The following SORL1 variants were observed in gnomAD, a reference collection of about 807,000 sequenced individuals.
The protein encoded by SORL1 is sortilin-related receptor.
In SORL1, 127 loss-of-function variants were observed where a neutral mutation model predicts 273.7. The ratio of observed to expected loss-of-function variants is 0.46; its 90% CI spans 0.40 to 0.54. The LOEUF (loss-of-function observed/expected upper bound fraction) is 0.54. SORL1 is among the 20% of genes least tolerant of loss of function. The pLI is 0.00. For synonymous variants in SORL1, 1,031 were observed against 1,067.4 expected (o/e 0.97, Z 0.66); for missense variants, 2,494 against 2,846.1 (o/e 0.88, Z 2.81).
chr11:121,489,574 T>A (rs1295130462), intron 4 of SORL1, among the ~76,000 whole-genome samples: 1 of 152,244 alleles, frequency 6.6e-6, no homozygotes, highest in Non-Finnish European at 1.5e-5. Context: ...TAAGGCTGAA[T>A]AATATTCCAT....
chr11:121,612,580 G>A (rs1384959555), intron 39 of SORL1, 156 bp from the exon 40 acceptor site: 1 of 569,252 alleles, frequency 1.8e-6, no homozygotes, highest in East Asian at 3.0e-5. Flanking sequence ...AGCACAAGTA[G>A]AACCTGTTTA....
chr11:121,542,831 A>ATATTC (rs1245034283), intron 12 of SORL1, among the ~76,000 whole-genome samples: 1 of 149,200 alleles, frequency 6.7e-6, no homozygotes, highest in African/African-American at 2.4e-5. Context: ...ATATTATATT[A>ATATTC]TAATATATAT....
chr11:121,485,466 G>A (rs572968537), intron 3 of SORL1, among the ~76,000 whole-genome samples: 4 of 152,242 alleles, frequency 2.6e-5, no homozygotes, highest in Non-Finnish European at 4.4e-5. Context: ...AGTGTATAAC[G>A]GTAATATCCA....
intron 21 of SORL1, among the ~76,000 whole-genome samples, chr11:121,560,203 C>T (rs1193734133): frequency 6.6e-6 from 1 of 152,158 alleles, no homozygotes; most frequent in African/African-American, 2.4e-5. Context: ...TTTTATTCCC[C>T]GATAGTTTTA....
rs905868057 is a variant in SORL1, at chr11:121,620,615, TG to T, written c.5890-448del. Among the ~76,000 whole-genome samples, 323 of 152,036 alleles carry T rather than the reference TG, an allele frequency of 2.1e-3. 1 individual carries two copies. The highest frequency in any genetic ancestry group is 7.5e-3 in the African/African-American group (309 of 41,448). On this transcript the variant is annotated intron_variant, in intron 43 of 47. Coordinates refer to ENST00000260197, the MANE Select transcript of SORL1 (RefSeq NM_003105.6). ...ACTATATGCCCTGTTATTTTCCCCT[TG>T]CCCCCCTATACCCAGAAGCAGCCTG...
chr11:121,543,547 G>T lies in SORL1; in HGVS notation c.1686-1G>T, dbSNP rs745678653. ...GGATTCTCTTACTTGCATTTGGGCA[G>T]ATACAGTACCAATGAAGGGGAGACC... On this transcript the variant is annotated splice_acceptor_variant, in intron 12 of 47. Transcript: ENST00000260197. LOFTEE classifies it high-confidence loss of function. 1 of 1,610,576 alleles carries T rather than the reference G, an allele frequency of 6.2e-7. No homozygotes were observed. Among genetic ancestry groups the T allele is most frequent in the Admixed American group, 1.7e-5 (1 of 59,918 alleles).
At chr11:121,598,381 C>T (rs904500166) in intron 32 of SORL1, among the ~76,000 whole-genome samples, 4 of 152,130 alleles carry the variant, frequency 2.6e-5, no homozygotes, top group Non-Finnish European at 5.9e-5. Context: ...CCCAGGATGA[C>T]AGTGAAAGCT....
At position 121,553,958 on chromosome 11, in the gene SORL1, A is replaced by T; in HGVS notation, c.2288A>T (p.Tyr763Phe). The change falls in exon 17 of 48, where the codon TAT becomes TTT. Residue 763 changes from tyrosine to phenylalanine, a missense_variant. Physicochemically the swap from Tyr to Phe is conservative, Grantham distance 22. Transcript: ENST00000260197. Reference sequence around the variant, plus strand: ...GCAGAAGAGAACGAGTTCATTCTGTATGCTGTGAGGAAATCCATCTACCGC... The same window carrying T: ...GCAGAAGAGAACGAGTTCATTCTGTTTGCTGTGAGGAAATCCATCTACCGC... ...PLAEENEFILYAVRKSIYRYD... is the reference protein window; with the variant it reads ...PLAEENEFILFAVRKSIYRYD... 5.0e-6 allele frequency: 8 copies of T among 1,614,028 alleles called. No homozygotes were observed. Among genetic ancestry groups the T allele is most frequent in the Non-Finnish European group, 6.8e-6 (8 of 1,179,938 alleles).
intron 40 of SORL1, 124 bp from the exon 41 acceptor site, chr11:121,614,747 A>G (rs1863614733): frequency 1.4e-6 from 1 of 734,930 alleles, no homozygotes; most frequent in African/African-American, 1.8e-5. Context: ...ACAGTCCTAC[A>G]GCACATGGGA....
intron 8 of SORL1, among the ~76,000 whole-genome samples, 194 bp from the exon 9 acceptor site, chr11:121,520,463 A>C (rs1053918124): frequency 7.2e-5 from 11 of 152,344 alleles, no homozygotes; most frequent in Admixed American, 5.9e-4. Context: ...ATGGAGAGTG[A>C]CTGCCAGTGG....
intron 11 of SORL1, among the ~76,000 whole-genome samples, chr11:121,527,789 C>T (rs1435290254): frequency 6.6e-6 from 1 of 151,934 alleles, no homozygotes; most frequent in Non-Finnish European, 1.5e-5. Context: ...TTCTCTTTAT[C>T]TTTTTAATGT....
At chr11:121,453,577 A>C (rs1179753003) in intron 1 of SORL1, among the ~76,000 whole-genome samples, 1 of 152,168 alleles carries the variant, frequency 6.6e-6, no homozygotes, top group Non-Finnish European at 1.5e-5. Flanking sequence ...TGTTTTCTAG[A>C]GTCAAATTGT....
chr11:121,452,681 A>C lies in SORL1; in HGVS notation c.285+65A>C. On this transcript the variant is annotated intron_variant, in intron 1 of 47. Transcript: ENST00000260197. The surrounding 1 kb of genome is among the most constrained non-coding windows in gnomAD (Gnocchi z 5.3). ...TCTCCCTGCACTTCCTCACCCCCGC[A>C]TCCATCCGTTGCAGTCGCCTCCTAG... The C allele has an allele frequency of 7.4e-7, 1 of 1,342,404 alleles. No homozygotes were observed. The highest frequency in any genetic ancestry group is 9.6e-7 in the Non-Finnish European group (1 of 1,040,280). The allele number at this position is 1,342,404 out of a possible 1,614,324, so 83.2% of individuals were successfully genotyped here.
rs376485999 is a variant in SORL1 at position 121,627,856 on chromosome 11, C to T, written c.6577+89C>T. On this transcript the variant is annotated intron_variant, in intron 47 of 47. Coordinates refer to ENST00000260197, the MANE Select transcript of SORL1 (RefSeq NM_003105.6). This position sits in a 1 kb window ranked among gnomAD's most constrained non-coding sequence, Gnocchi z 4.9. Reference sequence around the variant, plus strand: ...GATTAGGAAACACCCACCTTCAGCTCCTCTTTTGACCCTGGAGGAGCTCTT... The same window carrying T: ...GATTAGGAAACACCCACCTTCAGCTTCTCTTTTGACCCTGGAGGAGCTCTT... The T allele has an allele frequency of 1.2e-6, 1 of 854,658 alleles. No homozygotes were observed. The allele number at this position is 854,658 out of a possible 1,614,324, so 52.9% of individuals were successfully genotyped here.
At chr11:121,501,479 A>C (rs1487063526) in intron 6 of SORL1, among the ~76,000 whole-genome samples, 1 of 152,180 alleles carries the variant, frequency 6.6e-6, no homozygotes, top group African/African-American at 2.4e-5. Flanking sequence ...TGACTTTATT[A>C]GTCCATTTTC....
intron 6 of SORL1, among the ~76,000 whole-genome samples, chr11:121,502,373 T>A (rs1434863916): frequency 6.6e-6 from 1 of 152,052 alleles, no homozygotes; most frequent in African/African-American, 2.4e-5. Context: ...CTTAACCTCG[T>A]GATCCACCCA....
intron 2 of SORL1, among the ~76,000 whole-genome samples, chr11:121,471,509 T>C (rs952471632): frequency 6.6e-6 from 1 of 152,234 alleles, no homozygotes; most frequent in Non-Finnish European, 1.5e-5. Flanking sequence ...GGTCTGACAC[T>C]GTGGCAGCGC....
At chr11:121,548,346 C>T (rs1359823272) in intron 14 of SORL1, among the ~76,000 whole-genome samples, 2 of 152,180 alleles carry the variant, frequency 1.3e-5, no homozygotes, top group Non-Finnish European at 2.9e-5. Context: ...TTAGCTAATG[C>T]TTTATCTGGT....
In SORL1 at chr11:121,605,551, C is replaced by A. The variant is rs764585859; in HGVS notation, c.4928C>A (p.Thr1643Asn). ...SKAHNTNDFV[T>N]LRTPEGLPDA... ...GCACACAACACCAATGACTTTGTGA[C>A]CCTGAGGACCCCAGAGGGATGTAAG... The change falls in exon 35 of 48, where the codon ACC becomes AAC. Residue 1643 changes from threonine (T) to asparagine (N), a missense_variant. Coordinates refer to ENST00000260197, the MANE Select transcript of SORL1 (RefSeq NM_003105.6). The A allele has an allele frequency of 1.2e-5, 20 of 1,613,720 alleles. No homozygotes were observed. The African/African-American group carries it at 1.7e-4, about 14-fold the overall frequency.
Sources: gnomAD v4.1 joint callset for allele counts (sites outside exome capture counted in the v4.1 genomes callset) on GRCh38, gnomAD v4.1.1 for gene constraint, Gnocchi (gnomAD v3.1) non-coding constraint, MANE v1.5 for transcripts, NCBI Gene and HGNC (gene_info 2026-07-23, HGNC 2026-07-21) for gene names.